Variants in KCNH1 observed in about 807,000 individuals in gnomAD.
The protein encoded by KCNH1 is potassium voltage-gated channel subfamily H member 1.
KCNH1 carries 27 observed loss-of-function variants against 69.2 expected under a neutral mutation model. The ratio of observed to expected loss-of-function variants is 0.39; its 90% CI spans 0.29 to 0.54. KCNH1 has a LOEUF of 0.54. Among genes scored for constraint, KCNH1 ranks in the 20% least tolerant of loss-of-function variants. The probability of loss-of-function intolerance (pLI) is 0.68; values close to 1 mark genes in which losing one functional copy is unlikely to be tolerated. For missense variants in KCNH1, 798 were observed against 1,261.6 expected (o/e 0.63, Z 5.57); for synonymous variants, 456 against 487.7 (o/e 0.93, Z 0.86).
At chr1:210,760,718 T>C (rs1683499224) in intron 10 of KCNH1, among the ~76,000 whole-genome samples, 1 of 152,196 alleles carries the variant, frequency 6.6e-6, no homozygotes, top group African/African-American at 2.4e-5. Flanking sequence ...CTTACATGGA[T>C]GGTAGCAGGC....
intron 7 of KCNH1, among the ~76,000 whole-genome samples, chr1:210,897,447 C>T (rs183192524): frequency 2.6e-5 from 4 of 152,248 alleles, no homozygotes; most frequent in East Asian, 1.9e-4. Flanking sequence ...TTAGAGACTG[C>T]CTTCACCTCA....
At chr1:210,818,954 T>A (rs1684872869) in intron 7 of KCNH1, among the ~76,000 whole-genome samples, 2 of 152,360 alleles carry the variant, frequency 1.3e-5, no homozygotes, top group Middle Eastern at 6.8e-3. Flanking sequence ...CAGGCACCAT[T>A]ACCTCATCCA....
chr1:210,893,792 TTCTC>T (rs141697186), intron 7 of KCNH1, among the ~76,000 whole-genome samples: 3 of 152,258 alleles, frequency 2.0e-5, no homozygotes, highest in Non-Finnish European at 2.9e-5. Flanking sequence ...TTAAATTCTT[TTCTC>T]TCTATGTATT....
intron 5 of KCNH1, among the ~76,000 whole-genome samples, chr1:211,062,594 G>A: frequency 6.6e-6 from 1 of 152,012 alleles, no homozygotes; most frequent in East Asian, 1.9e-4. Context: ...GTAATATATG[G>A]AACTCAAACA....
In KCNH1 at chr1:210,720,473, A is replaced by G. The variant is rs1232259012; in HGVS notation, c.2113-36335T>C. ...TATGCGATTAAGCAGTAAAAAAGGT[A>G]AAGTCACTCAAGACCAAGTTCGCTT... On this transcript the variant is annotated intron_variant, in intron 10 of 10. Transcript: ENST00000271751. Among the ~76,000 whole-genome samples the G allele has an allele frequency of 3.3e-5, 5 of 152,256 alleles. No individual in the cohort carries two copies. The East Asian group carries it at 5.8e-4, about 18-fold the overall frequency.
intron 7 of KCNH1, among the ~76,000 whole-genome samples, chr1:210,823,904 C>G (rs1684983750): frequency 6.6e-6 from 1 of 152,136 alleles, no homozygotes; most frequent in Non-Finnish European, 1.5e-5. Context: ...TTCACTGAAG[C>G]CCATCTGAAC....
intron 10 of KCNH1, among the ~76,000 whole-genome samples, chr1:210,736,543 C>T (rs541761700): frequency 8.7e-4 from 132 of 151,728 alleles, no homozygotes; most frequent in Admixed American, 1.7e-3. Context: ...AACTCCATCC[C>T]CCCTCCAAAA....
chr1:210,818,228 A>C (rs748508380), intron 7 of KCNH1, among the ~76,000 whole-genome samples: 24 of 152,140 alleles, frequency 1.6e-4, no homozygotes, highest in Non-Finnish European at 3.1e-4. Flanking sequence ...ATGATGATAA[A>C]AACTTGGCTT....
intron 6 of KCNH1, among the ~76,000 whole-genome samples, chr1:210,986,451 C>T (rs1250020592): frequency 6.6e-6 from 1 of 152,082 alleles, no homozygotes; most frequent in Non-Finnish European, 1.5e-5. Context: ...TTAGTGCTTC[C>T]TTCAGGAGCT....
chr1:210,831,229 T>A (rs1456705783), intron 7 of KCNH1, among the ~76,000 whole-genome samples: 1 of 152,230 alleles, frequency 6.6e-6, no homozygotes, highest in Non-Finnish European at 1.5e-5. Context: ...AAGTTCAAGT[T>A]ATCTTGGCTA....
chr1:211,109,888 T>C (rs974317293), intron 1 of KCNH1, among the ~76,000 whole-genome samples: 1 of 150,638 alleles, frequency 6.6e-6, no homozygotes, highest in African/African-American at 2.4e-5. Context: ...AAAAACAGAA[T>C]GCTATGAGGA....
intron 6 of KCNH1, among the ~76,000 whole-genome samples, chr1:210,933,342 A>G (rs1558531095): frequency 6.6e-6 from 1 of 152,040 alleles, no homozygotes; most frequent in East Asian, 1.9e-4. Flanking sequence ...CAAGGGGAAC[A>G]TCAAACTCTG....
chr1:211,105,886 T>C (rs1180291212), intron 2 of KCNH1, among the ~76,000 whole-genome samples: 1 of 152,240 alleles, frequency 6.6e-6, no homozygotes, highest in Admixed American at 6.5e-5. Flanking sequence ...TTTGAACATT[T>C]GAGGGAAGAA....
Position 210,679,640 on chromosome 1 carries a change from G to T in KCNH1, c.*3641C>A, listed in dbSNP as rs12126038. Reference sequence around the variant, plus strand: ...TACCTTCCATTTAAGGATTTGGAGAGGAAGCTTGCTGAATGGGATGGGGTG... The same window carrying T: ...TACCTTCCATTTAAGGATTTGGAGATGAAGCTTGCTGAATGGGATGGGGTG... On this transcript the variant is annotated 3_prime_UTR_variant, in exon 11 of 11. Transcript: ENST00000271751. 0.34 allele frequency: 52,222 copies of T among 152,020 alleles called. 10,402 individuals carry two copies. The highest frequency in any genetic ancestry group is 0.53 in the South Asian group (2,536 of 4,802). 9.4% of individuals were successfully genotyped at this position (152,020 alleles called of 1,614,324 possible).
intron 5 of KCNH1, chr1:211,063,568 C>G (rs920054176): frequency 5.9e-5 from 9 of 151,992 alleles, no homozygotes; most frequent in African/African-American, 1.9e-4. Context: ...TAATGAAAAC[C>G]CTTCTCTACT....
chr1:211,101,463 T>G (rs983751932), intron 3 of KCNH1, among the ~76,000 whole-genome samples: 2 of 152,248 alleles, frequency 1.3e-5, no homozygotes, highest in Non-Finnish European at 2.9e-5. Context: ...CATCATTTCC[T>G]TAGTTTCATG....
intron 5 of KCNH1, among the ~76,000 whole-genome samples, chr1:211,075,872 C>T (rs965912617): frequency 6.6e-6 from 1 of 152,208 alleles, no homozygotes; most frequent in Non-Finnish European, 1.5e-5. Context: ...CGGGATACTC[C>T]CACCCAAATA....
intron 10 of KCNH1, among the ~76,000 whole-genome samples, 174 bp from the exon 11 acceptor site, chr1:210,684,312 C>T (rs945373025): frequency 1.3e-5 from 2 of 152,140 alleles, no homozygotes; most frequent in African/African-American, 2.4e-5. Flanking sequence ...ACTGACATCA[C>T]CCTCCTTTTC....
intron 10 of KCNH1, among the ~76,000 whole-genome samples, chr1:210,755,022 CAGA>C (rs1267934123): frequency 2.6e-5 from 4 of 152,136 alleles, no homozygotes; most frequent in Admixed American, 2.6e-4. Context: ...CCTGCTTCTG[CAGA>C]AGGAGACATT....
Sources: allele counts gnomAD v4.1 joint callset (sites outside exome capture counted in the v4.1 genomes callset), GRCh38; gene constraint gnomAD v4.1.1; transcripts MANE v1.5; gene names NCBI Gene and HGNC (gene_info 2026-07-23, HGNC 2026-07-21).